SEMA5A: variants seen among roughly 807,000 people sequenced by gnomAD.
SEMA5A encodes the protein semaphorin-5A.
A neutral mutation model predicts 135.5 loss-of-function variants in SEMA5A; 55 were observed. The ratio of observed to expected loss-of-function variants is 0.41; its 90% CI spans 0.33 to 0.51. The LOEUF is 0.51. Among genes scored for constraint, SEMA5A ranks in the 20% least tolerant of loss-of-function variants. The pLI, the probability that SEMA5A is intolerant of heterozygous loss-of-function variation, is 0.37. For synonymous variants in SEMA5A, 580 were observed against 546.5 expected (o/e 1.06, Z -0.85); for missense variants, 1,290 against 1,419.9 (o/e 0.91, Z 1.47).
chr5:9,498,715 C>G (rs972045291), intron 1 of SEMA5A: 3 of 150,484 alleles, frequency 2.0e-5, no homozygotes, highest in African/African-American at 7.3e-5. Flanking sequence ...AGCACGTTGT[C>G]TAAGTACTAC....
intron 16 of SEMA5A, among the ~76,000 whole-genome samples, chr5:9,104,012 A>G (rs1739771217): frequency 6.6e-6 from 1 of 152,234 alleles, no homozygotes; most frequent in Non-Finnish European, 1.5e-5. Context: ...CTTTTAAGCT[A>G]CACTTCAACC....
At chr5:9,149,849 T>A (rs767703952) in intron 12 of SEMA5A, among the ~76,000 whole-genome samples, 8 of 152,168 alleles carry the variant, frequency 5.3e-5, no homozygotes, top group Non-Finnish European at 1.2e-4. Flanking sequence ...CTTTTCCTCC[T>A]GAATTACAGA....
chr5:9,222,563 G>C (rs191709671), intron 8 of SEMA5A, among the ~76,000 whole-genome samples: 20 of 152,286 alleles, frequency 1.3e-4, no homozygotes, highest in Admixed American at 9.8e-4. Context: ...CTTGTGGCCT[G>C]AGTGGTAGAG....
At chr5:9,311,787 T>C (rs1412900062) in intron 5 of SEMA5A, among the ~76,000 whole-genome samples, 1 of 152,016 alleles carries the variant, frequency 6.6e-6, no homozygotes, top group African/African-American at 2.4e-5. Context: ...GAAGTTAATA[T>C]CCACTTTAAC....
chr5:9,429,877 T>C (rs1757795779), intron 2 of SEMA5A, among the ~76,000 whole-genome samples: 1 of 152,156 alleles, frequency 6.6e-6, no homozygotes, highest in South Asian at 2.1e-4. Context: ...GGGAGGAAGC[T>C]GGCTTTCCAT....
At chr5:9,160,219 TC>T (rs2150278237) in intron 11 of SEMA5A, among the ~76,000 whole-genome samples, 1 of 152,214 alleles carries the variant, frequency 6.6e-6, no homozygotes, top group South Asian at 2.1e-4. Flanking sequence ...AGCATTCTCC[TC>T]CATTGGAAGA....
intron 8 of SEMA5A, among the ~76,000 whole-genome samples, chr5:9,214,558 T>C (rs2150394178): frequency 6.6e-6 from 1 of 152,312 alleles, no homozygotes; most frequent in East Asian, 1.9e-4. Context: ...TTCTGCAAGA[T>C]GTGGTGGGAA....
chr5:9,113,949 A>G (rs1740379233), intron 15 of SEMA5A, among the ~76,000 whole-genome samples: 1 of 152,228 alleles, frequency 6.6e-6, no homozygotes, highest in South Asian at 2.1e-4. Flanking sequence ...TCCTAGATAT[A>G]CAGTATACAC....
At chr5:9,501,655 G>A (rs1322086055) in intron 1 of SEMA5A, among the ~76,000 whole-genome samples, 1 of 152,182 alleles carries the variant, frequency 6.6e-6, no homozygotes, top group African/African-American at 2.4e-5. Flanking sequence ...CTGGGCTGCA[G>A]GGGCAGCAGC....
chr5:9,337,172 C>G (rs901860022), intron 4 of SEMA5A, among the ~76,000 whole-genome samples: 13 of 152,224 alleles, frequency 8.5e-5, no homozygotes, highest in African/African-American at 2.9e-4. Context: ...AAAATAACTT[C>G]GTTGAATCTC....
In SEMA5A at chr5:9,050,417, C is replaced by G; in HGVS notation, c.2886G>C (p.Arg962Ser). 2 of 1,612,370 alleles carry G rather than the reference C, an allele frequency of 1.2e-6. No individual in the cohort carries two copies. The highest frequency in any genetic ancestry group is 2.2e-5 in the South Asian group (2 of 90,442). Residue 962 changes from arginine to serine, a missense_variant, in exon 21 of 23, where the codon AGG (arginine) becomes AGC (serine). Coordinates refer to ENST00000382496, the MANE Select transcript of SEMA5A (RefSeq NM_003966.3). ...VARSSSVEEKRCGEFNMFHMI... is the reference protein window; with the variant it reads ...VARSSSVEEKSCGEFNMFHMI... ...TTAAAAGGAATAACGTACCTCCACA[C>G]CTTTTCTCTTCTACGCTACTGGATC...
In SEMA5A at chr5:9,051,966, G is replaced by A. The variant is rs755753136; in HGVS notation, c.2752C>T (p.Arg918Cys). 3 of 1,613,936 alleles carry A rather than the reference G, an allele frequency of 1.9e-6. No individual in the cohort carries two copies. The highest frequency in any genetic ancestry group is 1.7e-6 in the Non-Finnish European group (2 of 1,179,932). The change falls in exon 20 of 23, where the codon CGC (arginine) becomes TGC (cysteine). Residue 918 changes from arginine (R) to cysteine (C), a missense_variant. This residue lies in a region of SEMA5A where 1,029 missense variants were observed against 1,086.6 expected (regional missense o/e 0.95). Coordinates refer to ENST00000382496, the MANE Select transcript of SEMA5A (RefSeq NM_003966.3). ...CEASGVQVRA[R>C]QCILLFPMGS... ...ATGGGGAACAGGAGGATGCACTGGC[G>A]GGCGCGGACTTGGACGCCAGAGGCT...
intron 8 of SEMA5A, among the ~76,000 whole-genome samples, chr5:9,209,314 C>A (rs539761964): frequency 3.5e-4 from 53 of 152,282 alleles, no homozygotes; most frequent in African/African-American, 1.2e-3. Flanking sequence ...ATCACACACT[C>A]CTATTAGTTA....
Position 9,202,148 on chromosome 5 carries a change from A to G in SEMA5A, c.739T>C (p.Phe247Leu). 2 of 1,614,208 alleles carry G rather than the reference A, an allele frequency of 1.2e-6. No individual in the cohort carries two copies. Among genetic ancestry groups the G allele is most frequent in the Non-Finnish European group, 1.7e-6 (2 of 1,180,034 alleles). The stretch of plus-strand genomic sequence containing the variant: ...TTGCACACCCGGGCAGCTCTGGAGA[A>G]CACTGTTTTCCCACAGTCATGCTCT... ...AVEHDCGKTV[F>L]SRAARVCKND... Residue 247 changes from phenylalanine to leucine, a missense_variant, in exon 9 of 23, where the codon TTC becomes CTC. By Grantham distance (22) the Phe-to-Leu change is conservative. Around this residue, in one of 3 missense-constraint regions of SEMA5A, gnomAD observed 145 missense variants for 212.0 expected, o/e 0.68. Coordinates refer to ENST00000382496, the MANE Select transcript of SEMA5A (RefSeq NM_003966.3).
chr5:9,516,461 C>T (rs989636068), intron 1 of SEMA5A: 1 of 152,118 alleles, frequency 6.6e-6, no homozygotes, highest in Admixed American at 6.5e-5. Flanking sequence ...CAGTGAACTA[C>T]CCGTATAGTC....
intron 16 of SEMA5A, among the ~76,000 whole-genome samples, chr5:9,085,244 G>A (rs1331921432): frequency 1.3e-5 from 2 of 152,206 alleles, no homozygotes; most frequent in African/African-American, 4.8e-5. Flanking sequence ...TAAGCCAACT[G>A]CAAAAATTTG....
intron 5 of SEMA5A, among the ~76,000 whole-genome samples, chr5:9,287,589 T>C (rs915905785): frequency 6.6e-6 from 1 of 152,234 alleles, no homozygotes; most frequent in Non-Finnish European, 1.5e-5. Flanking sequence ...AATTTTCTAA[T>C]GTTATGTTAC....
At chr5:9,234,528 A>G (rs909355143) in intron 6 of SEMA5A, among the ~76,000 whole-genome samples, 1 of 152,236 alleles carries the variant, frequency 6.6e-6, no homozygotes, top group Non-Finnish European at 1.5e-5. Context: ...TTTCCAATGC[A>G]CACAGCTCTG....
At chr5:9,288,696 A>G (rs1750920580) in intron 5 of SEMA5A, among the ~76,000 whole-genome samples, 1 of 152,222 alleles carries the variant, frequency 6.6e-6, no homozygotes. Context: ...AATGCTAAGA[A>G]TAAGTCTTTT....
Sources: gnomAD v4.1 joint callset for allele counts (sites outside exome capture counted in the v4.1 genomes callset) on GRCh38, gnomAD v4.1.1 for gene constraint, gnomAD v4.1.1 regional missense constraint, MANE v1.5 for transcripts, NCBI Gene and HGNC (gene_info 2026-07-23, HGNC 2026-07-21) for gene names.